The following PIGN variants were observed in gnomAD, a reference collection of about 807,000 sequenced individuals.
PIGN encodes the protein phosphatidylinositol glycan anchor biosynthesis class N.
A neutral mutation model predicts 125.4 loss-of-function variants in PIGN; 117 were observed. The observed-to-expected ratio is 0.93, with a 90% CI of 0.80 to 1.09. PIGN has a LOEUF of 1.09. PIGN is among the 50% of genes least tolerant of loss of function. The pLI is 0.00. For synonymous variants in PIGN, 392 were observed against 377.8 expected (o/e 1.04, Z -0.44); for missense variants, 1,075 against 1,094.9 (o/e 0.98, Z 0.26).
At position 62,105,413 on chromosome 18, in the gene PIGN, T is replaced by G; in HGVS notation, c.1859+130A>C. On this transcript the variant is annotated intron_variant, in intron 20 of 30. Transcript: ENST00000640252. Reference sequence around the variant, plus strand: ...CAAAATCATGACTAATGGTTTGATATTGGTATTTTAAATTCCCGTTAGTTC... The same window carrying G: ...CAAAATCATGACTAATGGTTTGATAGTGGTATTTTAAATTCCCGTTAGTTC... 6.5e-6 allele frequency: 4 copies of G among 614,118 alleles called. No homozygotes were observed. In the South Asian group the frequency reaches 9.0e-5, roughly 14 times the overall value. The allele number at this position is 614,118 out of a possible 1,614,324, so 38.0% of individuals were successfully genotyped here. A position where few individuals can be genotyped will look rare whatever the true frequency, so the allele number is the denominator to read the frequency against.
intron 28 of PIGN, among the ~76,000 whole-genome samples, chr18:62,077,079 A>C (rs1229086760): frequency 1.3e-5 from 2 of 152,100 alleles, no homozygotes; most frequent in Non-Finnish European, 2.9e-5. Flanking sequence ...TAATAAATAC[A>C]ATTCAAAAGA....
At chr18:62,046,090 C>A (rs549372726) in intron 30 of PIGN, 111 bp from the exon 31 acceptor site, 3 of 1,105,570 alleles carry the variant, frequency 2.7e-6, no homozygotes, top group African/African-American at 1.6e-5. Flanking sequence ...CTTTCAGGAG[C>A]TGGAGTGGGT....
At chr18:62,156,778 T>C (rs1299018781) in intron 6 of PIGN, among the ~76,000 whole-genome samples, 1 of 152,208 alleles carries the variant, frequency 6.6e-6, no homozygotes, top group African/African-American at 2.4e-5. Flanking sequence ...AATTTAATTA[T>C]AAAAATAAAT....
intron 30 of PIGN, among the ~76,000 whole-genome samples, chr18:62,058,260 A>G (rs1174152552): frequency 1.3e-5 from 2 of 152,222 alleles, no homozygotes; most frequent in East Asian, 1.9e-4. Flanking sequence ...GGAATGTTTA[A>G]TCTGTAACAT....
rs753852361 is a variant in PIGN, at chr18:62,084,599, G to T, written c.2434C>A (p.Leu812Ile). 1 of 1,548,908 alleles carries T rather than the reference G, an allele frequency of 6.5e-7. No individual in the cohort carries two copies. Among genetic ancestry groups the T allele is most frequent in the South Asian group, 1.2e-5 (1 of 84,094 alleles). ...GTCAGAAAGCAATAGACAGAGGCAA[G>T]ATCAAAGCTAGGGAATTATAACAAG... The part of the protein sequence containing the change: ...GNIASINSFD[L>I]ASVYCFLTVF... Residue 812 changes from leucine (L) to isoleucine (I), a missense_variant, in exon 27 of 31, where the codon CTT (leucine) becomes ATT (isoleucine). By Grantham distance (5) the Leu-to-Ile change is conservative (BLOSUM62 2). Transcript: ENST00000640252.
intron 28 of PIGN, among the ~76,000 whole-genome samples, chr18:62,079,000 G>A (rs1429746298): frequency 6.6e-6 from 1 of 152,128 alleles, no homozygotes; most frequent in African/African-American, 2.4e-5. Flanking sequence ...AGTCCTATCT[G>A]TGGCCCCTTC....
intron 30 of PIGN, among the ~76,000 whole-genome samples, chr18:62,048,846 TC>T (rs1332554002): frequency 8.2e-6 from 1 of 121,686 alleles, no homozygotes; most frequent in South Asian, 3.3e-4. Flanking sequence ...ATGCTATCCC[TC>T]CCCCCTCCCC....
At chr18:62,046,970 C>T (rs2030767960) in intron 30 of PIGN, among the ~76,000 whole-genome samples, 1 of 152,152 alleles carries the variant, frequency 6.6e-6, no homozygotes, top group Admixed American at 6.6e-5. Flanking sequence ...TGCAGGAAGA[C>T]AGCAGCAACC....
At chr18:62,105,485 G>T in intron 20 of PIGN, 58 bp downstream of exon 20, 2 of 959,634 alleles carry the variant, frequency 2.1e-6, no homozygotes, top group Non-Finnish European at 3.2e-6. Flanking sequence ...ATTTTACAGT[G>T]TTAATTGAGG....
chr18:62,141,089 A>T (rs539075768), intron 11 of PIGN, among the ~76,000 whole-genome samples: 11 of 152,302 alleles, frequency 7.2e-5, no homozygotes, highest in African/African-American at 2.4e-4. Context: ...CATTCCAAAG[A>T]CTGCTCTCTC....
intron 17 of PIGN, chr18:62,107,358 G>A: frequency 2.9e-6 from 1 of 340,646 alleles, no homozygotes; most frequent in South Asian, 2.9e-5. Context: ...ACTTTGGGAG[G>A]CTGAAGAGGG....
chr18:62,031,397 T>G (rs1308000609), intron 23 of PIGN, among the ~76,000 whole-genome samples: 1 of 152,190 alleles, frequency 6.6e-6, no homozygotes, highest in Non-Finnish European at 1.5e-5. Flanking sequence ...AAACCAAGAC[T>G]GAGGAAACAT....
At chr18:62,171,267 AT>A (rs1172881132) in intron 1 of PIGN, among the ~76,000 whole-genome samples, 1 of 152,098 alleles carries the variant, frequency 6.6e-6, no homozygotes. Flanking sequence ...TTGTAATGTT[AT>A]TTTTTATTTC....
rs376615257 is a variant in PIGN at position 62,154,635 on chromosome 18, G to C, written c.459C>G (p.His153Gln). 6.5e-7 allele frequency: 1 copy of C among 1,540,026 alleles called. No homozygotes were observed. The highest frequency in any genetic ancestry group is 1.4e-5 in the African/African-American group (1 of 73,208). Residue 153 changes from histidine (H) to glutamine (Q), a missense_variant, in exon 7 of 31, where the codon CAC becomes CAG. By Grantham distance (24) the His-to-Gln change is conservative. Around this residue, in one of 3 missense-constraint regions of PIGN, gnomAD observed 915 missense variants for 908.7 expected, o/e 1.01. Coordinates refer to ENST00000640252, the MANE Select transcript of PIGN (RefSeq NM_176787.5). ...PMFAKGASGD[H>Q]VYTYSYDAKR... is the part of the protein sequence containing the mutation. ...TAGCATCATAACTATATGTATAAACGTGGTCTCCACTAGCACCTGAAAAGA... is the reference window on the plus strand; with the variant it reads ...TAGCATCATAACTATATGTATAAACCTGGTCTCCACTAGCACCTGAAAAGA...
chr18:62,131,185 C>T lies in PIGN; in HGVS notation c.1172+7058G>A, dbSNP rs192114017. On this transcript the variant is annotated intron_variant, in intron 14 of 30. Coordinates refer to ENST00000640252, the MANE Select transcript of PIGN (RefSeq NM_176787.5). ...TATAAGAGAAACCAAATACTGTTGC[C>T]ATTTTAGTAGAAAATACAGTTTTTT... Among the ~76,000 whole-genome samples, 236 of 152,116 alleles carry T rather than the reference C, an allele frequency of 1.6e-3. 1 individual carries two copies. The highest frequency in any genetic ancestry group is 5.3e-3 in the African/African-American group (220 of 41,538).
At chr18:62,035,622 A>C (rs2030249530) in intron 23 of PIGN, among the ~76,000 whole-genome samples, 1 of 151,892 alleles carries the variant, frequency 6.6e-6, no homozygotes, top group South Asian at 2.1e-4. Context: ...GGTGTGCTGC[A>C]CCCATTAACT....
At chr18:62,126,140 TAACA>T (rs1431410767) in intron 14 of PIGN, among the ~76,000 whole-genome samples, 2 of 152,104 alleles carry the variant, frequency 1.3e-5, no homozygotes, top group African/African-American at 4.8e-5. Flanking sequence ...CTATTTTTAT[TAACA>T]AACAAAAGCA....
chr18:62,091,824 A>G (rs757890298), intron 23 of PIGN, among the ~76,000 whole-genome samples: 1 of 152,216 alleles, frequency 6.6e-6, no homozygotes, highest in Non-Finnish European at 1.5e-5. Context: ...GTCTATTATT[A>G]CTTTATAAAA....
intron 30 of PIGN, among the ~76,000 whole-genome samples, chr18:62,065,111 T>TC (rs1491520020): frequency 4.6e-5 from 7 of 152,212 alleles, no homozygotes; most frequent in Admixed American, 1.3e-4. Context: ...TTTCTTTTTC[T>TC]TTCTCTCTCT....
Sources: allele counts gnomAD v4.1 joint callset (sites outside exome capture counted in the v4.1 genomes callset), GRCh38; gene constraint gnomAD v4.1.1; regional missense constraint gnomAD v4.1.1; transcripts MANE v1.5; gene names NCBI Gene and HGNC (gene_info 2026-07-23, HGNC 2026-07-21).